ROBO2: variants seen among roughly 807,000 people sequenced by gnomAD.
ROBO2 encodes the protein roundabout homolog 2.
ROBO2 carries 53 observed loss-of-function variants against 160.8 expected under a neutral mutation model. The observed-to-expected ratio is 0.33, with a 90% CI of 0.26 to 0.41. The LOEUF (loss-of-function observed/expected upper bound fraction) is 0.41. Ranked by LOEUF, ROBO2 falls within the 10% of genes least tolerant of loss-of-function variation. ROBO2 has a pLI of 1.00. For synonymous variants in ROBO2, 664 were observed against 611.7 expected (o/e 1.09, Z -1.26); for missense variants, 1,577 against 1,722.4 (o/e 0.92, Z 1.49).
Position 77,504,397 on chromosome 3 carries a change from C to T in ROBO2, c.806+11015C>T, listed in dbSNP as rs768186181. On this transcript the variant is annotated intron_variant, in intron 5 of 25. Transcript: ENST00000461745. The stretch of plus-strand genomic sequence containing the variant: ...GACACATGGTACTCACCAGTTAAGA[C>T]ATTCAGTGCAGTGCTTCTCAAAAAA... 2.0e-5 allele frequency among the ~76,000 whole-genome samples: 3 copies of T among 148,288 alleles called. No individual in the cohort carries two copies. In the South Asian group the frequency reaches 6.4e-4, roughly 32 times the overall value.
intron 1 of ROBO2, chr3:77,091,939 C>A (rs971462076): frequency 6.6e-6 from 1 of 151,434 alleles, no homozygotes; most frequent in African/African-American, 2.4e-5. Flanking sequence ...AAGATCATAC[C>A]ACTGCCCTCC....
intron 2 of ROBO2, among the ~76,000 whole-genome samples, chr3:76,951,866 GC>G (rs1349104257): frequency 6.6e-6 from 1 of 152,132 alleles, no homozygotes; most frequent in Non-Finnish European, 1.5e-5. Context: ...TGTTTCTAAA[GC>G]CCCAACCGTA....
At chr3:76,746,768 G>C (rs953966647) in intron 2 of ROBO2, among the ~76,000 whole-genome samples, 4 of 152,100 alleles carry the variant, frequency 2.6e-5, no homozygotes, top group Non-Finnish European at 5.9e-5. Flanking sequence ...ATTAAGCCCA[G>C]CATGCATTAG....
rs113951323 is a variant in ROBO2 at position 77,577,791 on chromosome 3, C to G, written c.2328+177C>G. 1.2e-3 allele frequency among the ~76,000 whole-genome samples: 190 copies of G among 152,150 alleles called. 1 individual carries two copies. Among genetic ancestry groups the G allele is most frequent in the Middle Eastern group, 3.4e-3 (1 of 294 alleles). The stretch of plus-strand genomic sequence containing the variant: ...ATGCATAGGTATTAGAACCTGAGTT[C>G]AAGGTCAGAGATCACACAAACCCAG... On this transcript the variant is annotated intron_variant, in intron 15 of 25. Coordinates refer to ENST00000461745, the Ensembl canonical transcript of ROBO2.
chr3:76,535,997 A>G (rs1223213451), intron 2 of ROBO2, among the ~76,000 whole-genome samples: 1 of 152,060 alleles, frequency 6.6e-6, no homozygotes, highest in Non-Finnish European at 1.5e-5. Flanking sequence ...TGGCTGCAAT[A>G]TTAGTTGGGT....
At chr3:76,901,904 A>T (rs1171415185) in intron 2 of ROBO2, among the ~76,000 whole-genome samples, 1 of 151,786 alleles carries the variant, frequency 6.6e-6, no homozygotes, top group African/African-American at 2.4e-5. Flanking sequence ...GCTCCTTCCT[A>T]CCTTTCACCA....
At chr3:75,963,008 C>G (rs1948977475) in intron 2 of ROBO2, among the ~76,000 whole-genome samples, 1 of 151,674 alleles carries the variant, frequency 6.6e-6, no homozygotes, top group African/African-American at 2.4e-5. Context: ...ATTAGAAATT[C>G]TCAATACAGT....
In ROBO2 at chr3:76,119,897, T is replaced by C. The variant is rs1457198115; in HGVS notation, c.109+182295T>C. 1.6e-3 allele frequency among the ~76,000 whole-genome samples: 179 copies of C among 113,176 alleles called. 2 individuals carry two copies. The highest frequency in any genetic ancestry group is 6.6e-3 in the African/African-American group (170 of 25,764). 74.2% of individuals were successfully genotyped at this position (113,176 alleles called of 152,430 possible). ...CCTTCCCTTCCTTCCCTTCCCTTCCTTCCCTTCCTTCCCTCCCTCCCTTCC... is the reference window on the plus strand; with the variant it reads ...CCTTCCCTTCCTTCCCTTCCCTTCCCTCCCTTCCTTCCCTCCCTCCCTTCC... On this transcript the variant is annotated intron_variant, in intron 2 of 26. Transcript: ENST00000487694.
chr3:77,053,693 A>G, intron 1 of ROBO2, among the ~76,000 whole-genome samples: 1 of 152,220 alleles, frequency 6.6e-6, no homozygotes, highest in East Asian at 1.9e-4. Context: ...CTGAAATCAC[A>G]TATAATGATA....
intron 2 of ROBO2, among the ~76,000 whole-genome samples, chr3:77,428,750 G>C (rs1369633968): frequency 6.6e-6 from 1 of 152,080 alleles, no homozygotes; most frequent in African/African-American, 2.4e-5. Context: ...GCTATTGCTT[G>C]GCAAAGTTGT....
chr3:76,397,563 G>T (rs535808977), intron 2 of ROBO2, among the ~76,000 whole-genome samples: 2 of 151,434 alleles, frequency 1.3e-5, no homozygotes, highest in African/African-American at 2.4e-5. Flanking sequence ...GAAAATTTTC[G>T]CAACCTACTC....
intron 2 of ROBO2, among the ~76,000 whole-genome samples, chr3:76,081,568 A>G (rs2068831518): frequency 6.6e-6 from 1 of 152,198 alleles, no homozygotes; most frequent in Non-Finnish European, 1.5e-5. Context: ...CCTGTGTCAC[A>G]GAAGCAGAAA....
intron 2 of ROBO2, among the ~76,000 whole-genome samples, chr3:76,853,779 A>G (rs971486061): frequency 2.6e-5 from 4 of 152,120 alleles, no homozygotes; most frequent in Non-Finnish European, 4.4e-5. Context: ...ATAAACTCAG[A>G]CTTTTCATAA....
intron 2 of ROBO2, among the ~76,000 whole-genome samples, chr3:77,244,281 G>A (rs902601200): frequency 6.6e-6 from 1 of 152,194 alleles, no homozygotes; most frequent in Admixed American, 6.5e-5. Context: ...GTGCTAAAGA[G>A]ATGAACAAGA....
intron 2 of ROBO2, among the ~76,000 whole-genome samples, chr3:76,046,375 C>T (rs571902185): frequency 1.3e-5 from 2 of 151,994 alleles, no homozygotes; most frequent in African/African-American, 2.4e-5. Flanking sequence ...ACTGGCCGGG[C>T]GCGGTGGCTC....
At chr3:76,522,842 C>A (rs538130793) in intron 2 of ROBO2, among the ~76,000 whole-genome samples, 15 of 151,886 alleles carry the variant, frequency 9.9e-5, no homozygotes, top group Admixed American at 2.0e-4. Context: ...AACTAAGTAT[C>A]ATCAAATGGT....
At chr3:76,940,230 C>A (rs1475152910) in intron 2 of ROBO2, among the ~76,000 whole-genome samples, 1 of 152,150 alleles carries the variant, frequency 6.6e-6, no homozygotes, top group African/African-American at 2.4e-5. Context: ...GATCCGCCTG[C>A]CTCGGCCTCC....
At chr3:77,446,799 C>G (rs567498418) in intron 2 of ROBO2, among the ~76,000 whole-genome samples, 1 of 151,852 alleles carries the variant, frequency 6.6e-6, no homozygotes, top group African/African-American at 2.4e-5. Flanking sequence ...GTGGAAAGAA[C>G]AGAAAAAAAA....
chr3:76,903,573 T>C (rs952155273), intron 2 of ROBO2, among the ~76,000 whole-genome samples: 7 of 152,076 alleles, frequency 4.6e-5, no homozygotes, highest in African/African-American at 1.7e-4. Flanking sequence ...CCAGTACTGG[T>C]AGTTTATAAA....
Sources: gnomAD v4.1 joint callset for allele counts (sites outside exome capture counted in the v4.1 genomes callset) on GRCh38, gnomAD v4.1.1 for gene constraint, MANE v1.5 for transcripts, NCBI Gene and HGNC (gene_info 2026-07-23, HGNC 2026-07-21) for gene names.